TTF1: variants seen among roughly 807,000 people sequenced by gnomAD.
The protein encoded by TTF1 is transcription termination factor, RNA polymerase I.
A neutral mutation model predicts 80.2 loss-of-function variants in TTF1; 64 were observed. That is an observed-to-expected ratio of 0.80 (90% confidence interval 0.65 to 0.98). The LOEUF (loss-of-function observed/expected upper bound fraction) is 0.98. TTF1 is among the 50% of genes least tolerant of loss of function. TTF1 has a pLI of 0.00. For synonymous variants in TTF1, 372 were observed against 382.7 expected, an observed-to-expected ratio of 0.97 and a Z score of 0.33; for missense variants, 1,023 against 1,086.2, an observed-to-expected ratio of 0.94 and a Z score of 0.82.
At chr9:132,382,247 T>C (rs1040451742) in intron 9 of TTF1, among the ~76,000 whole-genome samples, 1 of 152,074 alleles carries the variant, frequency 6.6e-6, no homozygotes, top group Non-Finnish European at 1.5e-5. Flanking sequence ...ACTTCTCACA[T>C]GAGAAATGCA....
intron 5 of TTF1, among the ~76,000 whole-genome samples, chr9:132,393,274 C>CG (rs1849591700): frequency 1.3e-5 from 2 of 151,856 alleles, no homozygotes; most frequent in African/African-American, 2.4e-5. Context: ...AGCAAGCCCC[C>CG]CCCGCAAACT....
chr9:132,399,546 GTTA>G (rs1849720570), intron 3 of TTF1, among the ~76,000 whole-genome samples: 1 of 151,918 alleles, frequency 6.6e-6, no homozygotes, highest in African/African-American at 2.4e-5. Context: ...AATAATAAAG[GTTA>G]TTTATTATTC....
rs775343232 is a variant in TTF1 at position 132,398,238 on chromosome 9, A to G, written c.1680T>C (p.Ile560=). The G allele has an allele frequency of 6.2e-7, 1 of 1,608,482 alleles. No individual in the cohort carries two copies. The highest frequency in any genetic ancestry group is 1.7e-5 in the Admixed American group (1 of 57,962). The change falls in exon 4 of 11, where the codon ATT becomes ATC. Residue 560 remains isoleucine, a synonymous_variant. Transcript: ENST00000334270. The part of the protein sequence containing the change: ...NVEDFLALTG[I]ESADKLLYTD... Reference sequence around the variant, plus strand: ...TGTACAGCAGCTTGTCTGCACTCTCAATGCCTGTCAGGGCTAGAAAGTCTT... The same window carrying G: ...TGTACAGCAGCTTGTCTGCACTCTCGATGCCTGTCAGGGCTAGAAAGTCTT...
At chr9:132,398,048 T>C in intron 4 of TTF1, 93 bp downstream of exon 4, 1 of 1,037,034 alleles carries the variant, frequency 9.6e-7, no homozygotes. Context: ...CTGCAGGCAA[T>C]GGGCCAGGTA....
intron 9 of TTF1, among the ~76,000 whole-genome samples, chr9:132,382,375 C>T (rs1446213405): frequency 6.6e-6 from 1 of 152,118 alleles, no homozygotes. Context: ...TATTTTTATA[C>T]AGTGGGGAAA....
At chr9:132,398,407 C>A in intron 3 of TTF1, 81 bp from the exon 4 acceptor site, 1 of 1,421,062 alleles carries the variant, frequency 7.0e-7, no homozygotes, top group Non-Finnish European at 9.6e-7. Flanking sequence ...TTTTCATCAG[C>A]AATGACAGTA....
At chr9:132,394,320 C>G in intron 5 of TTF1, among the ~76,000 whole-genome samples, 1 of 151,416 alleles carries the variant, frequency 6.6e-6, no homozygotes, top group East Asian at 1.9e-4. Context: ...TGCTGTGTTT[C>G]CCAGGCTGGA....
chr9:132,405,214 C>CT (rs1282744295), intron 1 of TTF1, among the ~76,000 whole-genome samples: 2 of 147,540 alleles, frequency 1.4e-5, no homozygotes, highest in Non-Finnish European at 3.0e-5. Flanking sequence ...TTTTCTTTTT[C>CT]TTTTTTTGGA....
At chr9:132,403,080 C>T (rs569208619) in intron 1 of TTF1, among the ~76,000 whole-genome samples, 7 of 152,124 alleles carry the variant, frequency 4.6e-5, no homozygotes, top group African/African-American at 7.2e-5. Context: ...AGGATGGTCT[C>T]GATCTCCTGA....
rs1554727931 is a variant in TTF1 at position 132,377,654 on chromosome 9, T to TGTGTGAGTGCATGTG, written c.2464+1404_2464+1405insCACATGCACTCACAC. Reference sequence around the variant, plus strand: ...ATGTGGTGCGTGTGAATGCATGTGGTGTGTGTGAGTGCATGTGGTGTGTGA... The same window carrying TGTGTGAGTGCATGTG: ...ATGTGGTGCGTGTGAATGCATGTGGTGTGTGAGTGCATGTGGTGTGTGAGTGCATGTGGTGTGTGA... On this transcript the variant is annotated intron_variant, in intron 10 of 10. Coordinates refer to ENST00000334270, the MANE Select transcript of TTF1 (RefSeq NM_007344.4). Among the ~76,000 whole-genome samples the TGTGTGAGTGCATGTG allele has an allele frequency of 2.2e-3, 14 of 6,354 alleles. 1 individual carries two copies. The highest frequency in any genetic ancestry group is 0.014 in the South Asian group (1 of 72). 4.2% of individuals were successfully genotyped at this position (6,354 alleles called of 152,430 possible). A position where few individuals can be genotyped will look rare whatever the true frequency, so the allele number is the denominator to read the frequency against.
chr9:132,399,298 TAATTG>T lies in TTF1; in HGVS notation c.1591+732_1591+736del, dbSNP rs971106140. 8.6e-5 allele frequency among the ~76,000 whole-genome samples: 13 copies of T among 151,666 alleles called. 1 individual carries two copies. Among genetic ancestry groups the T allele is most frequent in the Non-Finnish European group, 1.8e-4 (12 of 67,938 alleles). On this transcript the variant is annotated intron_variant, in intron 3 of 10. Transcript: ENST00000334270. ...CAAAATGGGATTCTATACCACTCTATAATTGTGTGTACGTGGGTAGTGCTGTCTTT... is the reference window on the plus strand; with the variant it reads ...CAAAATGGGATTCTATACCACTCTATTGTGTACGTGGGTAGTGCTGTCTTT...
At chr9:132,382,551 C>A (rs935853073) in intron 9 of TTF1, among the ~76,000 whole-genome samples, 5 of 152,156 alleles carry the variant, frequency 3.3e-5, no homozygotes, top group African/African-American at 1.2e-4. Context: ...GTGCCAACTG[C>A]GGACATTCTA....
rs772246897 is a variant in TTF1, at chr9:132,401,860, G to C, written c.962C>G (p.Ala321Gly). The change falls in exon 2 of 11, where the codon GCA becomes GGA. Residue 321 changes from alanine (A) to glycine (G), a missense_variant. Coordinates refer to ENST00000334270, the MANE Select transcript of TTF1 (RefSeq NM_007344.4). ...RPAVGLHGET[A>G]GIPAPAYKNK... Reference sequence around the variant, plus strand: ...TTTATAAGCAGGTGCTGGTATTCCTGCAGTTTCACCATGCAGGCCCACAGC... The same window carrying C: ...TTTATAAGCAGGTGCTGGTATTCCTCCAGTTTCACCATGCAGGCCCACAGC... The C allele has an allele frequency of 5.0e-6, 8 of 1,612,888 alleles. No individual in the cohort carries two copies. The highest frequency in any genetic ancestry group is 8.5e-7 in the Non-Finnish European group (1 of 1,179,846).
At chr9:132,391,970 G>C in intron 6 of TTF1, 106 bp downstream of exon 6, 2 of 1,524,020 alleles carry the variant, frequency 1.3e-6, no homozygotes, top group African/African-American at 1.4e-5. Context: ...AGCTCTTGCG[G>C]AAGACAGGTC....
chr9:132,389,146 T>C (rs560416534), intron 7 of TTF1, among the ~76,000 whole-genome samples: 1 of 152,172 alleles, frequency 6.6e-6, no homozygotes, highest in South Asian at 2.1e-4. Context: ...AACATTGGTA[T>C]GTCATCCTCC....
intron 3 of TTF1, among the ~76,000 whole-genome samples, chr9:132,399,689 G>T (rs1303369049): frequency 6.6e-6 from 1 of 152,118 alleles, no homozygotes; most frequent in African/African-American, 2.4e-5. Context: ...CATTAAAGTT[G>T]ATTTTAATTT....
Position 132,380,324 on chromosome 9 carries a change from C to CT in TTF1, c.2379-1181dup, listed in dbSNP as rs570013907. On this transcript the variant is annotated intron_variant, in intron 9 of 10. Transcript: ENST00000334270. ...GAACTCCTGACTTCAGGTGACCCACCTGCTTTGGCCTCCCAAAGTGCTGGG... is the reference window on the plus strand; with the variant it reads ...GAACTCCTGACTTCAGGTGACCCACCTTGCTTTGGCCTCCCAAAGTGCTGGG... Among the ~76,000 whole-genome samples the CT allele has an allele frequency of 7.9e-5, 12 of 152,300 alleles. No individual in the cohort carries two copies. In the South Asian group the frequency reaches 1.9e-3, roughly 24 times the overall value.
intron 2 of TTF1, 107 bp downstream of exon 2, chr9:132,401,348 T>TAAAA: frequency 1.0e-6 from 1 of 1,003,746 alleles, no homozygotes; most frequent in Non-Finnish European, 1.3e-6. Context: ...AATAAATAAA[T>TAAAA]AAAAATAAAA....
chr9:132,383,611 G>A (rs1179446738), intron 9 of TTF1, among the ~76,000 whole-genome samples: 1 of 152,116 alleles, frequency 6.6e-6, no homozygotes, highest in Non-Finnish European at 1.5e-5. Context: ...TTAGCTTTTT[G>A]AAGCCTTTAA....
Sources: allele counts gnomAD v4.1 joint callset (sites outside exome capture counted in the v4.1 genomes callset), GRCh38; gene constraint gnomAD v4.1.1; transcripts MANE v1.5; gene names NCBI Gene and HGNC (gene_info 2026-07-23, HGNC 2026-07-21).